Variants in PIKFYVE observed in about 807,000 individuals in gnomAD.
PIKFYVE encodes phosphoinositide kinase, FYVE-type zinc finger containing.
Under a neutral mutation model 257.9 loss-of-function variants are expected in PIKFYVE, and 122 were observed. That is an observed-to-expected ratio of 0.47 (90% CI 0.41 to 0.55). The LOEUF (loss-of-function observed/expected upper bound fraction) is 0.55. PIKFYVE is among the 20% of genes least tolerant of loss of function. The pLI is 0.00. For synonymous variants in PIKFYVE, 892 were observed against 868.9 expected (o/e 1.03, Z -0.47); for missense variants, 2,160 against 2,536.6 (o/e 0.85, Z 3.19).
chr2:208,277,169 G>A (rs1690218648), intron 4 of PIKFYVE, among the ~76,000 whole-genome samples: 1 of 152,116 alleles, frequency 6.6e-6, no homozygotes, highest in Non-Finnish European at 1.5e-5. Flanking sequence ...GTTGGATATA[G>A]TACCATTGTT....
Position 208,356,979 on chromosome 2 carries a change from G to A in PIKFYVE, c.*1674G>A, listed in dbSNP as rs987064079. The A allele has an allele frequency of 6.6e-6, 1 of 152,542 alleles. No individual in the cohort carries two copies. Among genetic ancestry groups the A allele is most frequent in the African/African-American group, 2.4e-5 (1 of 41,450 alleles). The allele number at this position is 152,542 out of a possible 1,614,324, so 9.4% of individuals were successfully genotyped here. A position where few individuals can be genotyped will look rare whatever the true frequency, so the allele number is the denominator to read the frequency against. On this transcript the variant is annotated 3_prime_UTR_variant, in exon 42 of 42. Transcript: ENST00000264380. ...TGGAAAATTTGCTTTAGAGAATCAA[G>A]GCAGTAGTTTGGTATTTGGTGCTTA...
rs1467531412 is a variant in PIKFYVE, at chr2:208,285,735, G to A, written c.623G>A (p.Arg208Gln). 3.7e-6 allele frequency: 6 copies of A among 1,613,390 alleles called. No homozygotes were observed. Among genetic ancestry groups the A allele is most frequent in the Non-Finnish European group, 4.2e-6 (5 of 1,179,606 alleles). The change falls in exon 6 of 42, where the codon CGA becomes CAA. Residue 208 changes from arginine to glutamine, a missense_variant. Arg to Gln is a conservative substitution (Grantham distance 43). Coordinates refer to ENST00000264380, the MANE Select transcript of PIKFYVE (RefSeq NM_015040.4). The part of the protein sequence containing the change: ...GKFMGYTGDL[R>Q]ACTYCRKIAL... ...TGTTTTTTTCTCCTAGGAGACCTCC[G>A]AGCTTGCACATATTGTAGAAAAATA... is the stretch of plus-strand genomic sequence containing the variant.
At position 208,302,243 on chromosome 2, in the gene PIKFYVE, G is replaced by A. The variant is rs1480225269; in HGVS notation, c.1210G>A (p.Ala404Thr). The A allele has an allele frequency of 1.2e-6, 2 of 1,613,886 alleles. No homozygotes were observed. Among genetic ancestry groups the A allele is most frequent in the South Asian group, 2.2e-5 (2 of 91,086 alleles). ...LIRNGHIATRAQAIAIGQAMV... is the reference protein window; with the variant it reads ...LIRNGHIATRTQAIAIGQAMV... Reference sequence around the variant, plus strand: ...TCATTTTTGTGGGTCTTGATTCAGGGCACAAGCTATAGCAATTGGACAAGC... The same window carrying A: ...TCATTTTTGTGGGTCTTGATTCAGGACACAAGCTATAGCAATTGGACAAGC... The change falls in exon 10 of 42, where the codon GCA becomes ACA. Residue 404 changes from alanine to threonine, a missense_variant and splice_region_variant. Ala to Thr is a moderately conservative substitution (Grantham distance 58). Around this residue, in one of 12 missense-constraint regions of PIKFYVE, gnomAD observed 90 missense variants for 110.6 expected, o/e 0.81. Transcript: ENST00000264380.
intron 32 of PIKFYVE, among the ~76,000 whole-genome samples, chr2:208,344,791 T>G (rs1699076716): frequency 6.6e-6 from 1 of 152,106 alleles, no homozygotes; most frequent in African/African-American, 2.4e-5. Flanking sequence ...TACTCAACAC[T>G]GAGGCTTCAA....
chr2:208,315,258 C>T lies in PIKFYVE; in HGVS notation c.1892C>T (p.Ser631Leu), dbSNP rs1695364852. The T allele has an allele frequency of 1.9e-6, 3 of 1,614,128 alleles. No individual in the cohort carries two copies. The highest frequency in any genetic ancestry group is 2.5e-6 in the Non-Finnish European group (3 of 1,179,990). The change falls in exon 15 of 42, where the codon TCA (serine) becomes TTA (leucine). Residue 631 changes from serine to leucine, a missense_variant. By Grantham distance (145) the Ser-to-Leu change is moderately radical. Transcript: ENST00000264380. Reference sequence around the variant, plus strand: ...TTGCTCCATAGTGACTCACTGTCATCATCTTGGAGGGACATCATCGTGTCA... The same window carrying T: ...TTGCTCCATAGTGACTCACTGTCATTATCTTGGAGGGACATCATCGTGTCA... The part of the protein sequence containing the change: ...QQLLHSDSLS[S>L]SWRDIIVSLV...
At chr2:208,326,730 A>T (rs1012835171) in intron 20 of PIKFYVE, among the ~76,000 whole-genome samples, 4 of 152,182 alleles carry the variant, frequency 2.6e-5, no homozygotes, top group Admixed American at 2.6e-4. Context: ...CATGACTTGG[A>T]TGTGGTATGA....
chr2:208,325,214 G>T, intron 19 of PIKFYVE, 56 bp from the exon 20 acceptor site: 1 of 1,573,148 alleles, frequency 6.4e-7, no homozygotes. Flanking sequence ...AATTCTATTT[G>T]TACTTCTGGA....
At position 208,317,888 on chromosome 2, in the gene PIKFYVE, G is replaced by T; in HGVS notation, c.2029G>T (p.Asp677Tyr). The T allele has an allele frequency of 1.2e-6, 2 of 1,613,794 alleles. No homozygotes were observed. The highest frequency in any genetic ancestry group is 1.1e-5 in the South Asian group (1 of 91,058). Residue 677 changes from aspartate (D) to tyrosine (Y), a missense_variant, in exon 16 of 42, where the codon GAT (aspartate) becomes TAT (tyrosine). By Grantham distance (160) the Asp-to-Tyr change is radical (BLOSUM62 -3). Transcript: ENST00000264380. ...IKKIPGGKKF[D>Y]SVVVNGFVCT... The stretch of plus-strand genomic sequence containing the variant: ...TTAGATCCCAGGTGGAAAGAAGTTT[G>T]ATTCTGTGGTTGTCAATGGCTTTGT...
At position 208,357,229 on chromosome 2, in the gene PIKFYVE, T is replaced by C. The variant is rs1700209797; in HGVS notation, c.*1924T>C. On this transcript the variant is annotated 3_prime_UTR_variant, in exon 42 of 42. Transcript: ENST00000264380. ...TAACTTACTTTGTGTCTAGGAACAA[T>C]GGATTTTGTATCTGATTTAAAATGC... 6.6e-6 allele frequency: 1 copy of C among 152,238 alleles called. No homozygotes were observed. The highest frequency in any genetic ancestry group is 1.5e-5 in the Non-Finnish European group (1 of 68,034). The allele number at this position is 152,238 out of a possible 1,614,324, so 9.4% of individuals were successfully genotyped here.
Position 208,354,090 on chromosome 2 carries a change from C to G in PIKFYVE, c.6037C>G (p.Leu2013Val). Residue 2013 changes from leucine (L) to valine (V), a missense_variant, in exon 40 of 42, where the codon CTC (leucine) becomes GTC (valine). Transcript: ENST00000264380. ...HSDSHFLSSH[L>V]IIDYSLLVGR... The stretch of plus-strand genomic sequence containing the variant: ...TGACTCCCATTTCCTTTCTAGCCAC[C>G]TCATTATAGATTATTCTTTGCTGGT... 1.2e-6 allele frequency: 2 copies of G among 1,613,918 alleles called. No homozygotes were observed. The highest frequency in any genetic ancestry group is 1.7e-6 in the Non-Finnish European group (2 of 1,179,916).
At chr2:208,306,619 A>G (rs961678765) in intron 12 of PIKFYVE, among the ~76,000 whole-genome samples, 2 of 152,072 alleles carry the variant, frequency 1.3e-5, no homozygotes, top group Non-Finnish European at 2.9e-5. Flanking sequence ...ACTTTTGAAA[A>G]CCTAACTTGA....
chr2:208,320,242 T>G lies in PIKFYVE; in HGVS notation c.2083-10T>G, dbSNP rs1696057286. 4.3e-6 allele frequency: 7 copies of G among 1,609,972 alleles called. No individual in the cohort carries two copies. The highest frequency in any genetic ancestry group is 5.9e-6 in the Non-Finnish European group (7 of 1,177,574). On this transcript the variant is annotated splice_polypyrimidine_tract_variant and intron_variant, in intron 16 of 41. Transcript: ENST00000264380. ...TTTAAACACTTTAACAAACTGTTCA[T>G]TTTTTGTAGATGAGTTCTTGTATTA...
At chr2:208,352,299 A>C (rs1699844597) in intron 38 of PIKFYVE, among the ~76,000 whole-genome samples, 1 of 151,426 alleles carries the variant, frequency 6.6e-6, no homozygotes, top group South Asian at 2.1e-4. Flanking sequence ...AGTGCCCCCC[A>C]CCCCATCCCA....
chr2:208,286,012 C>A, intron 6 of PIKFYVE, 79 bp downstream of exon 6: 1 of 1,331,870 alleles, frequency 7.5e-7, no homozygotes, highest in Non-Finnish European at 1.1e-6. Context: ...TTTCAGTTAA[C>A]ACTTACCCTC....
chr2:208,276,817 AG>A lies in PIKFYVE; in HGVS notation c.432del (p.Ser146AlafsTer6), dbSNP rs775548349. 1 of 1,612,988 alleles carries A rather than the reference AG, an allele frequency of 6.2e-7. No individual in the cohort carries two copies. The highest frequency in any genetic ancestry group is 2.2e-5 in the East Asian group (1 of 44,874). ...TVLKRLKEIM[E>X]GKSQDSDLKQ... ...TTAAAACGCCTCAAGGAAATCATGGAGGGGAAAAGCCAGGTACTGTCTAGAG... is the reference window on the plus strand; with the variant it reads ...TTAAAACGCCTCAAGGAAATCATGGAGGGAAAAGCCAGGTACTGTCTAGAG... On this transcript the variant is annotated frameshift_variant, in exon 4 of 42. Coordinates refer to ENST00000264380, the MANE Select transcript of PIKFYVE (RefSeq NM_015040.4). LOFTEE classifies it high-confidence loss of function.
chr2:208,339,945 G>A (rs2125711644), intron 30 of PIKFYVE, 66 bp from the exon 31 acceptor site: 1 of 1,554,230 alleles, frequency 6.4e-7, no homozygotes, highest in East Asian at 2.3e-5. Flanking sequence ...AAGAACCAAA[G>A]TCAGCAGTTT....
intron 7 of PIKFYVE, among the ~76,000 whole-genome samples, chr2:208,289,454 G>A (rs753039597): frequency 6.0e-5 from 9 of 150,798 alleles, no homozygotes; most frequent in Admixed American, 1.3e-4. Context: ...TTTTTGAGAC[G>A]GAGTCTCACT....
chr2:208,271,480 T>C (rs78863586), intron 1 of PIKFYVE, 31 bp from the exon 2 acceptor site: 1 of 1,609,516 alleles, frequency 6.2e-7, no homozygotes, highest in Non-Finnish European at 8.5e-7. Context: ...CTGAGGAATT[T>C]AGATTTTTGC....
At chr2:208,277,895 T>C (rs776560757) in intron 5 of PIKFYVE, among the ~76,000 whole-genome samples, 187 bp downstream of exon 5, 2 of 152,156 alleles carry the variant, frequency 1.3e-5, no homozygotes, top group Admixed American at 6.6e-5. Context: ...ATGGGACTTA[T>C]CATAAATAAC....
Sources: gnomAD v4.1 joint callset for allele counts (sites outside exome capture counted in the v4.1 genomes callset) on GRCh38, gnomAD v4.1.1 for gene constraint, gnomAD v4.1.1 regional missense constraint, MANE v1.5 for transcripts, NCBI Gene and HGNC (gene_info 2026-07-23, HGNC 2026-07-21) for gene names.